The following SND1 variants were observed in gnomAD, a reference collection of about 807,000 sequenced individuals.
The protein encoded by SND1 is staphylococcal nuclease domain-containing protein 1.
A neutral mutation model predicts 121.7 loss-of-function variants in SND1; 38 were observed. The ratio of observed to expected loss-of-function variants is 0.31; its 90% confidence interval spans 0.24 to 0.41. The LOEUF (loss-of-function observed/expected upper bound fraction) is 0.41. Among genes scored for constraint, SND1 ranks in the 10% least tolerant of loss-of-function variants. The pLI, the probability that SND1 is intolerant of heterozygous loss-of-function variation, is 1.00. For missense variants in SND1, 868 were observed against 1,184.6 expected (o/e 0.73, Z 3.92); for synonymous variants, 401 against 447.4 (o/e 0.90, Z 1.31).
chr7:127,665,197 T>G (rs1015358404), intron 1 of SND1, among the ~76,000 whole-genome samples: 2 of 152,128 alleles, frequency 1.3e-5, no homozygotes, highest in African/African-American at 4.8e-5. Flanking sequence ...ACATTTTTTT[T>G]TTTTTTTGAG....
intron 15 of SND1, among the ~76,000 whole-genome samples, chr7:127,951,513 G>A (rs907695084): frequency 1.3e-5 from 2 of 152,160 alleles, no homozygotes; most frequent in Non-Finnish European, 2.9e-5. Flanking sequence ...ACAATATTGT[G>A]CCTATTGTAA....
At chr7:127,849,674 G>A (rs1799130174) in intron 12 of SND1, among the ~76,000 whole-genome samples, 1 of 152,204 alleles carries the variant, frequency 6.6e-6, no homozygotes, top group East Asian at 1.9e-4. Context: ...CACAGAGATG[G>A]AACCTTGAAA....
At chr7:127,950,661 C>T (rs979914595) in intron 15 of SND1, among the ~76,000 whole-genome samples, 2 of 152,150 alleles carry the variant, frequency 1.3e-5, no homozygotes, top group Admixed American at 1.3e-4. Context: ...TGCCCAGATT[C>T]GCCCTTGTTT....
At chr7:127,879,542 T>TC (rs1174981668) in intron 12 of SND1, among the ~76,000 whole-genome samples, 2 of 152,132 alleles carry the variant, frequency 1.3e-5, no homozygotes, top group African/African-American at 4.8e-5. Flanking sequence ...CAAAGAAAGA[T>TC]ATCAGCACCC....
intron 15 of SND1, among the ~76,000 whole-genome samples, chr7:127,950,816 C>T (rs1250404357): frequency 2.0e-5 from 3 of 152,258 alleles, no homozygotes; most frequent in East Asian, 1.9e-4. Flanking sequence ...GGACTGCATA[C>T]TCATTAGGAT....
intron 15 of SND1, among the ~76,000 whole-genome samples, chr7:127,940,088 T>A (rs1391454028): frequency 6.6e-6 from 1 of 152,182 alleles, no homozygotes; most frequent in African/African-American, 2.4e-5. Context: ...CCTTCCCTCC[T>A]ACTTTAAAGC....
chr7:127,732,231 C>T (rs1296713006), intron 10 of SND1, among the ~76,000 whole-genome samples: 1 of 152,222 alleles, frequency 6.6e-6, no homozygotes, highest in African/African-American at 2.4e-5. Flanking sequence ...TAGGTATGTG[C>T]TCCTGCTACT....
At chr7:127,792,525 G>A (rs935370777) in intron 10 of SND1, among the ~76,000 whole-genome samples, 8 of 152,150 alleles carry the variant, frequency 5.3e-5, no homozygotes, top group Admixed American at 2.6e-4. Flanking sequence ...AGAACCCTAA[G>A]GGTAGCATGG....
chr7:128,049,922 T>G (rs961865851), intron 16 of SND1, among the ~76,000 whole-genome samples: 2 of 152,056 alleles, frequency 1.3e-5, no homozygotes, highest in Admixed American at 1.3e-4. Context: ...TTGGCTGGAA[T>G]TGGGGAGGCT....
chr7:127,741,666 G>A (rs1035842001), intron 10 of SND1, among the ~76,000 whole-genome samples: 7 of 152,038 alleles, frequency 4.6e-5, no homozygotes, highest in Admixed American at 4.6e-4. Flanking sequence ...ACCTGTTATG[G>A]CCCTTAGGAG....
At chr7:127,739,927 G>A (rs182539644) in intron 10 of SND1, among the ~76,000 whole-genome samples, 6 of 152,336 alleles carry the variant, frequency 3.9e-5, no homozygotes, top group African/African-American at 1.4e-4. Flanking sequence ...TAAAGTCATG[G>A]TGGTAAAAGG....
chr7:127,915,347 T>C (rs1437755724), intron 14 of SND1, among the ~76,000 whole-genome samples: 1 of 152,156 alleles, frequency 6.6e-6, no homozygotes, highest in African/African-American at 2.4e-5. Context: ...GAGCTGTCAT[T>C]ATCATCCTCA....
At chr7:127,744,783 A>G (rs900083011) in intron 10 of SND1, among the ~76,000 whole-genome samples, 1 of 152,202 alleles carries the variant, frequency 6.6e-6, no homozygotes, top group African/African-American at 2.4e-5. Context: ...GTGCAAATAG[A>G]GGGAAGGAAG....
At chr7:127,715,140 A>T (rs532082302) in intron 9 of SND1, among the ~76,000 whole-genome samples, 49 of 134,568 alleles carry the variant, frequency 3.6e-4, no homozygotes, top group Non-Finnish European at 1.7e-4. Context: ...AACATTTGTT[A>T]TTTTCTGGGT....
chr7:127,695,237 A>G (rs1322349167), intron 3 of SND1, among the ~76,000 whole-genome samples: 2 of 152,218 alleles, frequency 1.3e-5, no homozygotes, highest in Admixed American at 6.5e-5. Context: ...ATGGAACTCA[A>G]TGGCTCTGTG....
chr7:127,861,673 G>T (rs548559683), intron 12 of SND1, among the ~76,000 whole-genome samples: 1 of 152,042 alleles, frequency 6.6e-6, no homozygotes, highest in Non-Finnish European at 1.5e-5. Context: ...ACAGGGTTTC[G>T]CCATGTTGGC....
chr7:127,687,108 T>G (rs973181440), intron 2 of SND1: 1 of 177,594 alleles, frequency 5.6e-6, no homozygotes, highest in Non-Finnish European at 1.2e-5. Context: ...TTTTATTAAT[T>G]TATTTTTGAA....
At chr7:127,967,249 C>G (rs1231548428) in intron 15 of SND1, among the ~76,000 whole-genome samples, 1 of 150,842 alleles carries the variant, frequency 6.6e-6, no homozygotes, top group East Asian at 1.9e-4. Flanking sequence ...GGAGCTAGCA[C>G]TCTCTTTCTC....
At chr7:127,777,452 T>C in intron 10 of SND1, among the ~76,000 whole-genome samples, 1 of 152,134 alleles carries the variant, frequency 6.6e-6, no homozygotes, top group East Asian at 1.9e-4. Flanking sequence ...TAGCACAGAT[T>C]TGGGTGTCTA....
Sources: allele counts gnomAD v4.1 joint callset (sites outside exome capture counted in the v4.1 genomes callset), GRCh38; gene constraint gnomAD v4.1.1; transcripts MANE v1.5; gene names NCBI Gene and HGNC (gene_info 2026-07-23, HGNC 2026-07-21).